KCNMB3: variants seen among roughly 807,000 people sequenced by gnomAD.
The protein encoded by KCNMB3 is calcium-activated potassium channel subunit beta-3.
In KCNMB3, 18 loss-of-function variants were observed where a neutral mutation model predicts 11.9. The observed-to-expected ratio is 1.51, with a 90% CI of 1.04 to 2.23. The LOEUF (loss-of-function observed/expected upper bound fraction) is 2.23, where lower values mean the gene tolerates loss of function less well. Ranked by LOEUF, KCNMB3 falls within the 30% of genes most tolerant of loss-of-function variation. The pLI is 0.00. For synonymous variants in KCNMB3, 78 were observed against 119.2 expected (o/e 0.65, Z 2.25); for missense variants, 247 against 329.4 (o/e 0.75, Z 1.94).
intron 1 of KCNMB3, among the ~76,000 whole-genome samples, chr3:179,262,527 G>A (rs928846390): frequency 6.6e-6 from 1 of 152,214 alleles, no homozygotes; most frequent in Admixed American, 6.5e-5. Context: ...AAAGAGCAAA[G>A]GAACAAATCC....
intron 1 of KCNMB3, chr3:179,260,581 G>A: frequency 1.3e-6 from 2 of 1,524,138 alleles, no homozygotes; most frequent in South Asian, 1.2e-5. Context: ...TCGACTTGAG[G>A]GCATTTAACT....
intron 1 of KCNMB3, chr3:179,260,652 C>T (rs1335336882): frequency 7.5e-7 from 1 of 1,333,424 alleles, no homozygotes; most frequent in African/African-American, 1.4e-5. Flanking sequence ...TCGGAAGTCT[C>T]TCCATTGGTA....
intron 1 of KCNMB3, among the ~76,000 whole-genome samples, chr3:179,263,402 C>T (rs1318640052): frequency 6.6e-6 from 1 of 152,242 alleles, no homozygotes; most frequent in Non-Finnish European, 1.5e-5. Flanking sequence ...TCCCCACCTC[C>T]CTGCAAGCTG....
intron 1 of KCNMB3, among the ~76,000 whole-genome samples, chr3:179,265,447 C>T (rs1325132937): frequency 6.6e-6 from 1 of 152,096 alleles, no homozygotes; most frequent in African/African-American, 2.4e-5. Context: ...CTGAAATGTA[C>T]CCCTCCCAAC....
intron 1 of KCNMB3, among the ~76,000 whole-genome samples, chr3:179,258,111 T>C (rs10804879): frequency 0.47 from 71,554 of 151,952 alleles, 18,643 homozygotes; most frequent in East Asian, 0.87. Flanking sequence ...GCCTTGAACT[T>C]CTGACCTCAG....
At chr3:179,239,934 T>C (rs1385383768), downstream of KCNMB3, 2 of 1,007,882 alleles carry the variant, frequency 2.0e-6, no homozygotes, top group African/African-American at 3.3e-5. Context: ...ACAGTATCAC[T>C]AAATTTAAGA....
chr3:179,259,933 C>T, intron 1 of KCNMB3: 1 of 1,613,228 alleles, frequency 6.2e-7, no homozygotes, highest in Non-Finnish European at 8.5e-7. Flanking sequence ...CCTTTTTCTT[C>T]ACCCTCTTCT....
chr3:179,251,632 G>C (rs890664676), upstream of KCNMB3: 8 of 1,259,900 alleles, frequency 6.3e-6, no homozygotes, highest in African/African-American at 1.1e-4. Context: ...CTGGTGAACA[G>C]AAGAGTCCAA....
At chr3:179,248,143 T>C (rs1467448706) in intron 1 of KCNMB3, among the ~76,000 whole-genome samples, 1 of 152,136 alleles carries the variant, frequency 6.6e-6, no homozygotes, top group Non-Finnish European at 1.5e-5. Context: ...GAAGCAAGTC[T>C]TACGTCAGAA....
upstream of KCNMB3, chr3:179,251,363 T>G: frequency 7.0e-7 from 1 of 1,438,010 alleles, no homozygotes; most frequent in Non-Finnish European, 9.1e-7. Flanking sequence ...AACAGCGTCC[T>G]GAACAGGGTT....
At chr3:179,260,685 T>C (rs936436932) in intron 1 of KCNMB3, 4 of 1,379,782 alleles carry the variant, frequency 2.9e-6, no homozygotes, top group South Asian at 1.2e-5. Context: ...TTTAGGATTA[T>C]TCCATGTTTC....
At position 179,259,610 on chromosome 3, in the gene KCNMB3, C is replaced by T. The variant is rs557392938; in HGVS notation, c.62+7039G>A. ...CCACTGCTGACTTTCTGTCAGTAGA[C>T]TTTACCTGCTCTTCTTCCTTAATTT... On this transcript the variant is annotated intron_variant, in intron 1 of 3. Coordinates refer to the KCNMB3 transcript ENST00000349697. 4 of 1,608,372 alleles carry T rather than the reference C, an allele frequency of 2.5e-6. No individual in the cohort carries two copies. The African/African-American group carries it at 4.0e-5, about 16-fold the overall frequency.
chr3:179,264,052 T>G (rs967406703), intron 1 of KCNMB3, among the ~76,000 whole-genome samples: 2 of 152,100 alleles, frequency 1.3e-5, no homozygotes, highest in Non-Finnish European at 2.9e-5. Flanking sequence ...GTGATCCACC[T>G]GCCTCGGCCT....
intron 1 of KCNMB3, chr3:179,258,907 G>C (rs1726108700): frequency 2.5e-6 from 4 of 1,604,978 alleles, no homozygotes; most frequent in Non-Finnish European, 3.4e-6. Context: ...CTGGTGATTG[G>C]CATACAGTGC....
Position 179,260,272 on chromosome 3 carries a change from T to C in KCNMB3, c.62+6377A>G. On this transcript the variant is annotated intron_variant, in intron 1 of 3. Transcript: ENST00000349697. ...TCATCTGGTGCACCCATGACCTCAT[T>C]TGACTCAACCTGTGCTGTGTTTTCA... is the stretch of plus-strand genomic sequence containing the variant. 5 of 1,613,994 alleles carry C rather than the reference T, an allele frequency of 3.1e-6. No homozygotes were observed. The South Asian group carries it at 4.4e-5, about 14-fold the overall frequency.
intron 1 of KCNMB3, among the ~76,000 whole-genome samples, chr3:179,261,437 G>C (rs548381356): frequency 2.8e-4 from 42 of 152,046 alleles, no homozygotes; most frequent in African/African-American, 9.9e-4. Context: ...CAGCCCGCCG[G>C]GGAGCGGCTC....
At chr3:179,248,310 T>C (rs1379326080) in intron 1 of KCNMB3, among the ~76,000 whole-genome samples, 1 of 152,200 alleles carries the variant, frequency 6.6e-6, no homozygotes, top group Admixed American at 6.5e-5. Context: ...GTATTGAGCA[T>C]ACAGCATATA....
In KCNMB3 at chr3:179,257,735, C is replaced by G. The variant is rs1261215779; in HGVS notation, c.63-6801G>C. Among the ~76,000 whole-genome samples, 3 of 152,024 alleles carry G rather than the reference C, an allele frequency of 2.0e-5. No individual in the cohort carries two copies. The East Asian group carries it at 5.8e-4, about 29-fold the overall frequency. On this transcript the variant is annotated intron_variant, in intron 1 of 3. Transcript: ENST00000349697. The stretch of plus-strand genomic sequence containing the variant: ...AAAAACTTTTTCTTTTTTTTAGAGA[C>G]AGGGTCTCACTCTGTCTCCCAGGCT...
intron 1 of KCNMB3, chr3:179,266,589 C>T: frequency 6.3e-7 from 1 of 1,598,626 alleles, no homozygotes; most frequent in South Asian, 1.1e-5. Flanking sequence ...GTCCCCTCTT[C>T]TTGCAACTGC....
Sources: gnomAD v4.1 joint callset for allele counts (sites outside exome capture counted in the v4.1 genomes callset) on GRCh38, gnomAD v4.1.1 for gene constraint, MANE v1.5 for transcripts, NCBI Gene and HGNC (gene_info 2026-07-23, HGNC 2026-07-21) for gene names.